The following FBXL3 variants were observed in gnomAD, a reference collection of about 807,000 sequenced individuals.
FBXL3 encodes F-box/LRR-repeat protein 3.
In FBXL3, 14 loss-of-function variants were observed where a neutral mutation model predicts 37.9. That is an observed-to-expected ratio of 0.37 (90% CI 0.24 to 0.58). FBXL3 has a LOEUF of 0.58. FBXL3 is among the 20% of genes least tolerant of loss of function. The probability of loss-of-function intolerance (pLI) is 0.74; values close to 1 mark genes in which losing one functional copy is unlikely to be tolerated. For missense variants in FBXL3, 327 were observed against 511.1 expected, an observed-to-expected ratio of 0.64 and a Z score of 3.47; for synonymous variants, 194 against 180.1, an observed-to-expected ratio of 1.08 and a Z score of -0.62.
chr13:77,025,221 G>C (rs2034815281), intron 1 of FBXL3, among the ~76,000 whole-genome samples: 1 of 152,200 alleles, frequency 6.6e-6, no homozygotes, highest in African/African-American at 2.4e-5. Flanking sequence ...CTAGACTCTA[G>C]AAATCTAGAG....
chr13:77,021,752 C>T lies in FBXL3; in HGVS notation c.109G>A (p.Gly37Ser), dbSNP rs1360553215. Reference protein sequence around the residue: ...TNEHSQTCDWGNLLQDIILQV... With the variant: ...TNEHSQTCDWSNLLQDIILQV... Reference sequence around the variant, plus strand: ...AGAATAATGTCCTGAAGGAGATTACCCCAATCACAAGTCTGAGAATGCTCA... The same window carrying T: ...AGAATAATGTCCTGAAGGAGATTACTCCAATCACAAGTCTGAGAATGCTCA... The change falls in exon 2 of 5, where the codon GGT becomes AGT. Residue 37 changes from glycine to serine, a missense_variant. Coordinates refer to ENST00000355619, the MANE Select transcript of FBXL3 (RefSeq NM_012158.4). 3 of 1,613,670 alleles carry T rather than the reference C, an allele frequency of 1.9e-6. No homozygotes were observed. The highest frequency in any genetic ancestry group is 1.1e-5 in the South Asian group (1 of 91,080).
Position 77,021,395 on chromosome 13 carries a change from T to A in FBXL3, c.348+118A>T, listed in dbSNP as rs2034741070. The A allele has an allele frequency of 4.2e-6, 3 of 708,648 alleles. No individual in the cohort carries two copies. The Admixed American group carries it at 9.0e-5, about 21-fold the overall frequency. 43.9% of individuals were successfully genotyped at this position (708,648 alleles called of 1,614,324 possible). ...TTCTAAGGTATACAATAATTCTAAA[T>A]TTTTAAGCATTTTCCCTGAAAAAGC... On this transcript the variant is annotated intron_variant, in intron 2 of 4. Transcript: ENST00000355619.
rs200141996 is a variant in FBXL3, at chr13:77,021,316, A to G, written c.348+197T>C. Among the ~76,000 whole-genome samples, 4 of 152,276 alleles carry G rather than the reference A, an allele frequency of 2.6e-5. No individual in the cohort carries two copies. In the East Asian group the frequency reaches 7.7e-4, roughly 29 times the overall value. ...GCTGCTTTTGCTGTTTTAAGAAATT[A>G]TTAATAATTAATAGAGTAATTTAGC... On this transcript the variant is annotated intron_variant, in intron 2 of 4. Coordinates refer to ENST00000355619, the MANE Select transcript of FBXL3 (RefSeq NM_012158.4).
chr13:77,015,984 G>GT (rs1388518583), intron 3 of FBXL3: 5 of 152,636 alleles, frequency 3.3e-5, no homozygotes, highest in African/African-American at 1.2e-4. Flanking sequence ...CCACTAAATA[G>GT]TAACTATTAA....
chr13:77,015,335 T>C (rs1372380562), intron 4 of FBXL3, 74 bp downstream of exon 4: 1 of 1,091,050 alleles, frequency 9.2e-7, no homozygotes, highest in African/African-American at 1.6e-5. Context: ...TCAAGGTTAA[T>C]GATCATAGTT....
chr13:77,006,155 T>C lies in FBXL3; in HGVS notation c.*990A>G, dbSNP rs888798810. The C allele has an allele frequency of 6.6e-6, 1 of 152,550 alleles. No homozygotes were observed. The highest frequency in any genetic ancestry group is 6.5e-5 in the Admixed American group (1 of 15,284). The allele number at this position is 152,550 out of a possible 1,614,324, so 9.4% of individuals were successfully genotyped here. On this transcript the variant is annotated 3_prime_UTR_variant, in exon 5 of 5. Coordinates refer to ENST00000355619, the MANE Select transcript of FBXL3 (RefSeq NM_012158.4). The stretch of plus-strand genomic sequence containing the variant: ...CTCCCTTTATGATTTTTAAAAATTT[T>C]ACTTACATAACTATGTAATTCCAAA...
chr13:77,023,869 G>A (rs1394516242), intron 1 of FBXL3, among the ~76,000 whole-genome samples: 2 of 152,246 alleles, frequency 1.3e-5, no homozygotes, highest in Non-Finnish European at 2.9e-5. Context: ...AAAGAGGATT[G>A]AGGGCTGGAG....
At chr13:77,011,344 C>CAAAA (rs34255078) in intron 4 of FBXL3, among the ~76,000 whole-genome samples, 6,148 of 74,750 alleles carry the variant, frequency 0.082, 298 homozygotes, top group East Asian at 0.15. Context: ...ACTTTGTCTC[C>CAAAA]AAAAAAAAAA....
chr13:77,019,874 T>C (rs2034709415), intron 2 of FBXL3, among the ~76,000 whole-genome samples: 1 of 151,976 alleles, frequency 6.6e-6, no homozygotes, highest in African/African-American at 2.4e-5. Flanking sequence ...TGTTCAACTT[T>C]TGCACAAATG....
chr13:77,012,558 A>C (rs2034573222), intron 4 of FBXL3, among the ~76,000 whole-genome samples: 1 of 152,244 alleles, frequency 6.6e-6, no homozygotes, highest in African/African-American at 2.4e-5. Flanking sequence ...AGGAAGCAAC[A>C]GGCAAACTAA....
rs530077018 is a variant in FBXL3 at position 77,007,457 on chromosome 13, G to A, written c.975C>T (p.Gly325=). 1 of 1,614,096 alleles carries A rather than the reference G, an allele frequency of 6.2e-7. No individual in the cohort carries two copies. The highest frequency in any genetic ancestry group is 1.3e-5 in the African/African-American group (1 of 75,036). The part of the protein sequence containing the change: ...FGRSVSKDVL[G]RVGMTCPRLV... Reference sequence around the variant, plus strand: ...GTCTAGGGCATGTCATTCCCACACGGCCAAGCACATCTTTGCTTACTGATC... The same window carrying A: ...GTCTAGGGCATGTCATTCCCACACGACCAAGCACATCTTTGCTTACTGATC... Residue 325 remains glycine, a synonymous_variant, in exon 5 of 5, where the codon GGC becomes GGT. Coordinates refer to ENST00000355619, the MANE Select transcript of FBXL3 (RefSeq NM_012158.4).
chr13:77,026,106 TA>T, intron 1 of FBXL3: 1 of 893,152 alleles, frequency 1.1e-6, no homozygotes, highest in Non-Finnish European at 1.3e-6. Context: ...GGATTCTAAT[TA>T]AAAAATCTGG....
chr13:77,025,827 A>T (rs1426566670), intron 1 of FBXL3, among the ~76,000 whole-genome samples: 2 of 151,932 alleles, frequency 1.3e-5, no homozygotes, highest in Non-Finnish European at 2.9e-5. Flanking sequence ...GCTCATTTGT[A>T]GTTAACTCTA....
intron 1 of FBXL3, among the ~76,000 whole-genome samples, chr13:77,022,448 T>A (rs555491378): frequency 1.3e-5 from 2 of 152,174 alleles, no homozygotes; most frequent in Non-Finnish European, 2.9e-5. Context: ...TAGATTCTCA[T>A]AGGAGTGAGA....
rs911280705 is a variant in FBXL3 at position 77,005,826 on chromosome 13, G to A, written c.*1319C>T. The A allele has an allele frequency of 6.6e-6, 1 of 152,082 alleles. No individual in the cohort carries two copies. The highest frequency in any genetic ancestry group is 2.1e-4 in the South Asian group (1 of 4,826). The allele number at this position is 152,082 out of a possible 1,614,324, so 9.4% of individuals were successfully genotyped here. A position where few individuals can be genotyped will look rare whatever the true frequency, so the allele number is the denominator to read the frequency against. The stretch of plus-strand genomic sequence containing the variant: ...GTTAAATCATTTCTGATTTCCCTCA[G>A]GAGGGTAGTAATATCTACTAGCACT... On this transcript the variant is annotated 3_prime_UTR_variant, in exon 5 of 5. Transcript: ENST00000355619.
rs1240804741 is a variant in FBXL3 at position 77,006,193 on chromosome 13, G to A, written c.*952C>T. ...ATGTAATTCCAAAATAGAAAAGTGA[G>A]TGAGCCATCACTAAAATTTACTGGA... On this transcript the variant is annotated 3_prime_UTR_variant, in exon 5 of 5. Coordinates refer to ENST00000355619, the MANE Select transcript of FBXL3 (RefSeq NM_012158.4). 6.6e-6 allele frequency: 1 copy of A among 152,402 alleles called. No homozygotes were observed. The highest frequency in any genetic ancestry group is 1.5e-5 in the Non-Finnish European group (1 of 67,924). 9.4% of individuals were successfully genotyped at this position (152,402 alleles called of 1,614,324 possible).
chr13:77,008,232 A>C (rs934531022), intron 4 of FBXL3, among the ~76,000 whole-genome samples: 6 of 152,240 alleles, frequency 3.9e-5, no homozygotes, highest in Non-Finnish European at 5.9e-5. Context: ...ATAGAACCAT[A>C]TAAAACTATG....
chr13:77,026,781 G>A (rs1438247760), intron 1 of FBXL3, 46 bp downstream of exon 1: 3 of 114,630 alleles, frequency 2.6e-5, no homozygotes, highest in African/African-American at 1.0e-4. Context: ...GTCCCTCCCC[G>A]GCTCCGCCGT....
chr13:77,021,898 A>G, intron 1 of FBXL3, 37 bp from the exon 2 acceptor site: 1 of 1,491,514 alleles, frequency 6.7e-7, no homozygotes, highest in South Asian at 1.3e-5. Context: ...TTCCTACTCA[A>G]CTTTTGAATA....
Sources: allele counts gnomAD v4.1 joint callset (sites outside exome capture counted in the v4.1 genomes callset), GRCh38; gene constraint gnomAD v4.1.1; transcripts MANE v1.5; gene names NCBI Gene and HGNC (gene_info 2026-07-23, HGNC 2026-07-21).